The following DYNC1H1 variants were observed in gnomAD, a reference collection of about 807,000 sequenced individuals.
The protein encoded by DYNC1H1 is dynein cytoplasmic 1 heavy chain 1.
Under a neutral mutation model 527.1 loss-of-function variants are expected in DYNC1H1, and 51 were observed. The ratio of observed to expected loss-of-function variants is 0.10; its 90% CI spans 0.08 to 0.12. The LOEUF (loss-of-function observed/expected upper bound fraction) is 0.12. Among genes scored for constraint, DYNC1H1 ranks in the 10% least tolerant of loss-of-function variants. The pLI is 1.00. For synonymous variants in DYNC1H1, 2,189 were observed against 2,278.8 expected (o/e 0.96, Z 1.12); for missense variants, 2,771 against 5,971.8 (o/e 0.46, Z 17.66).
At chr14:101,974,010 C>G (rs2047770519) in intron 1 of DYNC1H1, among the ~76,000 whole-genome samples, 1 of 152,110 alleles carries the variant, frequency 6.6e-6, no homozygotes, top group Non-Finnish European at 1.5e-5. Context: ...AAATTTGAAG[C>G]CCAGAGAAAG....
intron 1 of DYNC1H1, among the ~76,000 whole-genome samples, chr14:101,972,348 A>G (rs1232455090): frequency 6.6e-6 from 1 of 152,186 alleles, no homozygotes; most frequent in Non-Finnish European, 1.5e-5. Flanking sequence ...GTGTCTTTAT[A>G]GGGAATATGC....
intron 69 of DYNC1H1, 158 bp from the exon 70 acceptor site, chr14:102,043,717 G>A (rs1221236056): frequency 5.6e-6 from 5 of 890,282 alleles, no homozygotes; most frequent in African/African-American, 3.3e-5. Context: ...TAGAAAAGTT[G>A]GCATACTTTT....
At position 102,005,343 on chromosome 14, in the gene DYNC1H1, G is replaced by A. The variant is rs1274012404; in HGVS notation, c.5433+107G>A. The A allele has an allele frequency of 9.0e-6, 13 of 1,437,396 alleles. No individual in the cohort carries two copies. The East Asian group carries it at 2.9e-4, about 33-fold the overall frequency. 89.0% of individuals were successfully genotyped at this position (1,437,396 alleles called of 1,614,324 possible). Reference sequence around the variant, plus strand: ...AAAAGGTTTCAGGTAGTATCAAGGAGAACAGTGGATGGTGTATGGATATCC... The same window carrying A: ...AAAAGGTTTCAGGTAGTATCAAGGAAAACAGTGGATGGTGTATGGATATCC... On this transcript the variant is annotated intron_variant, in intron 26 of 77. Coordinates refer to ENST00000360184, the MANE Select transcript of DYNC1H1 (RefSeq NM_001376.5). This position sits in a 1 kb window ranked among gnomAD's most constrained non-coding sequence, Gnocchi z 4.0.
In DYNC1H1 at chr14:102,050,703, T is replaced by G; in HGVS notation, c.*140T>G. The G allele has an allele frequency of 7.3e-7, 1 of 1,375,116 alleles. No individual in the cohort carries two copies. The highest frequency in any genetic ancestry group is 1.0e-6 in the Non-Finnish European group (1 of 989,230). 85.2% of individuals were successfully genotyped at this position (1,375,116 alleles called of 1,614,324 possible). A position where few individuals can be genotyped will look rare whatever the true frequency, so the allele number is the denominator to read the frequency against. ...GAGGAAGCTGAATGGAATCTGACGG[T>G]TGGGAGTGGTGGAAATTGGAAGGAT... is the stretch of plus-strand genomic sequence containing the variant. On this transcript the variant is annotated 3_prime_UTR_variant, in exon 78 of 78. Coordinates refer to ENST00000360184, the MANE Select transcript of DYNC1H1 (RefSeq NM_001376.5).
intron 69 of DYNC1H1, chr14:102,043,137 G>A (rs1443588836): frequency 3.0e-6 from 1 of 334,956 alleles, no homozygotes; most frequent in Non-Finnish European, 5.9e-6. Context: ...TAAAAAATTA[G>A]CCAGGCGTGG....
Position 102,016,906 on chromosome 14 carries a change from G to C in DYNC1H1, c.7755G>C (p.Leu2585=), listed in dbSNP as rs2048330031. ...ACGAAGCCCTCTTGTACACTTGGCT[G>C]GCCGAACACAAGCCCCTGGTCTTGT... ...VRHEALLYTW[L]AEHKPLVLCG... The change falls in exon 38 of 78, where the codon CTG becomes CTC. Residue 2585 remains leucine (L), a synonymous_variant. Transcript: ENST00000360184. The surrounding 1 kb of genome is among the most constrained non-coding windows in gnomAD (Gnocchi z 7.3). The C allele has an allele frequency of 2.5e-6, 4 of 1,614,200 alleles. No individual in the cohort carries two copies. Among genetic ancestry groups the C allele is most frequent in the Non-Finnish European group, 3.4e-6 (4 of 1,180,036 alleles).
Position 102,049,948 on chromosome 14 carries a change from T to TC in DYNC1H1, c.13684+69dup. 1.9e-6 allele frequency: 3 copies of TC among 1,539,632 alleles called. No homozygotes were observed. The highest frequency in any genetic ancestry group is 2.6e-6 in the Non-Finnish European group (3 of 1,151,534). ...GACCTCGGTGGCCTGAGACCATTGTTCCCAGATACATGCACTTAGGGTGAC... is the reference window on the plus strand; with the variant it reads ...GACCTCGGTGGCCTGAGACCATTGTTCCCCAGATACATGCACTTAGGGTGAC... On this transcript the variant is annotated intron_variant, in intron 76 of 77. Transcript: ENST00000360184. The surrounding 1 kb of genome is among the most constrained non-coding windows in gnomAD (Gnocchi z 5.5).
Position 102,049,082 on chromosome 14 carries a change from C to T in DYNC1H1, c.13373-358C>T, listed in dbSNP as rs947921453. On this transcript the variant is annotated intron_variant, in intron 74 of 77. Transcript: ENST00000360184. This position sits in a 1 kb window ranked among gnomAD's most constrained non-coding sequence, Gnocchi z 5.5. Reference sequence around the variant, plus strand: ...ATCCAAAGTTGTGGGGAGCCCCCAGCATCCTCCTGTTTGCCCCAAAAGCCC... The same window carrying T: ...ATCCAAAGTTGTGGGGAGCCCCCAGTATCCTCCTGTTTGCCCCAAAAGCCC... The T allele has an allele frequency of 2.3e-6, 1 of 430,220 alleles. No homozygotes were observed. The highest frequency in any genetic ancestry group is 4.3e-6 in the Non-Finnish European group (1 of 230,102). 26.7% of individuals were successfully genotyped at this position (430,220 alleles called of 1,614,324 possible). A position where few individuals can be genotyped will look rare whatever the true frequency, so the allele number is the denominator to read the frequency against.
intron 1 of DYNC1H1, among the ~76,000 whole-genome samples, chr14:101,966,231 C>T (rs2141259889): frequency 6.6e-6 from 1 of 152,264 alleles, no homozygotes; most frequent in South Asian, 2.1e-4. Flanking sequence ...AGATGCTTCC[C>T]TGTAGCCTTG....
chr14:102,028,472 G>C (rs1211763794), intron 48 of DYNC1H1: 2 of 365,204 alleles, frequency 5.5e-6, no homozygotes, highest in African/African-American at 4.2e-5. Context: ...CTGAGATCAC[G>C]GCACTGCAAT....
At position 101,985,730 on chromosome 14, in the gene DYNC1H1, C is replaced by T. The variant is rs1435555404; in HGVS notation, c.1505C>T (p.Pro502Leu). The T allele has an allele frequency of 2.5e-6, 4 of 1,614,024 alleles. No individual in the cohort carries two copies. Among genetic ancestry groups the T allele is most frequent in the African/African-American group, 2.7e-5 (2 of 74,896 alleles). The change falls in exon 8 of 78, where the codon CCC (proline) becomes CTC (leucine). Residue 502 changes from proline to leucine, a missense_variant. Around this residue, in one of 32 missense-constraint regions of DYNC1H1, gnomAD observed 264 missense variants for 619.4 expected, o/e 0.43. Transcript: ENST00000360184. This position sits in a 1 kb window ranked among gnomAD's most constrained non-coding sequence, Gnocchi z 5.9. The stretch of plus-strand genomic sequence containing the variant: ...CAGAATCAAGGAGAGGTCCCTGAAC[C>T]CCAAGATATGAAAGTGGCTGAGGTT... ...AQQNQGEVPEPQDMKVAEVLF... is the reference protein window; with the variant it reads ...AQQNQGEVPELQDMKVAEVLF...
intron 10 of DYNC1H1, 23 bp downstream of exon 10, chr14:101,988,875 A>C: frequency 6.2e-7 from 1 of 1,613,982 alleles, no homozygotes; most frequent in Non-Finnish European, 8.5e-7. Context: ...GTGGCATTCT[A>C]TTTACTAATA....
rs568103291 is a variant in DYNC1H1, at chr14:101,965,466, T to G, written c.256+519T>G. 1.2e-4 allele frequency among the ~76,000 whole-genome samples: 18 copies of G among 152,300 alleles called. No homozygotes were observed. In the East Asian group the frequency reaches 2.3e-3, roughly 20 times the overall value. On this transcript the variant is annotated intron_variant, in intron 1 of 77. Transcript: ENST00000360184. This position sits in a 1 kb window ranked among gnomAD's most constrained non-coding sequence, Gnocchi z 4.1. The stretch of plus-strand genomic sequence containing the variant: ...GCGGAGCTGGGGGCAGCCGGGGTTC[T>G]GGTTCGGGAGGAGGTCGGGCGGGTG...
In DYNC1H1 at chr14:101,985,507, G is replaced by A. The variant is rs1035795589; in HGVS notation, c.1462-180G>A. 3.3e-5 allele frequency among the ~76,000 whole-genome samples: 5 copies of A among 151,072 alleles called. No homozygotes were observed. Among genetic ancestry groups the A allele is most frequent in the Non-Finnish European group, 5.9e-5 (4 of 67,704 alleles). On this transcript the variant is annotated intron_variant, in intron 7 of 77. Coordinates refer to ENST00000360184, the MANE Select transcript of DYNC1H1 (RefSeq NM_001376.5). This position sits in a 1 kb window ranked among gnomAD's most constrained non-coding sequence, Gnocchi z 5.9. ...GCCTGGCAAATTGTTTGTATTTTTA[G>A]TAGAGACTGGGTTTCACCATGTTGG... is the stretch of plus-strand genomic sequence containing the variant.
Position 102,042,318 on chromosome 14 carries a change from C to T in DYNC1H1, c.12275+30C>T, listed in dbSNP as rs775987546. 2.5e-6 allele frequency: 4 copies of T among 1,614,046 alleles called. No homozygotes were observed. The highest frequency in any genetic ancestry group is 3.4e-6 in the Non-Finnish European group (4 of 1,180,032). ...GCCTGTTCTCTTTGGCTGAAGAAAG[C>T]CTTAGTCCCCAGGCATTCAGGCAGG... On this transcript the variant is annotated intron_variant, in intron 67 of 77. Coordinates refer to ENST00000360184, the MANE Select transcript of DYNC1H1 (RefSeq NM_001376.5). This position sits in a 1 kb window ranked among gnomAD's most constrained non-coding sequence, Gnocchi z 5.7.
In DYNC1H1 at chr14:102,052,207, C is replaced by CA; in HGVS notation, c.*1645dup. On this transcript the variant is annotated 3_prime_UTR_variant, in exon 78 of 78. Coordinates refer to ENST00000360184, the MANE Select transcript of DYNC1H1 (RefSeq NM_001376.5). ...GGAGTGCAGTGGCGTGACCATGGCT[C>CA]ACTGCAGCCTCAACCTCCCGGGCTC... The CA allele has an allele frequency of 6.6e-6, 1 of 152,526 alleles. No individual in the cohort carries two copies. The highest frequency in any genetic ancestry group is 3.4e-3 in the Middle Eastern group (1 of 294). 9.4% of individuals were successfully genotyped at this position (152,526 alleles called of 1,614,324 possible).
chr14:102,036,203 T>G lies in DYNC1H1; in HGVS notation c.10755-286T>G. On this transcript the variant is annotated intron_variant, in intron 56 of 77. Coordinates refer to ENST00000360184, the MANE Select transcript of DYNC1H1 (RefSeq NM_001376.5). This position sits in a 1 kb window ranked among gnomAD's most constrained non-coding sequence, Gnocchi z 5.6. The stretch of plus-strand genomic sequence containing the variant: ...AAAAAGCTATTCTAACAGTGCAGGA[T>G]GCTGAGAGGATGATTGTCCCAGAAG... 1 of 403,142 alleles carries G rather than the reference T, an allele frequency of 2.5e-6. No homozygotes were observed. The highest frequency in any genetic ancestry group is 4.7e-6 in the Non-Finnish European group (1 of 211,964). 25.0% of individuals were successfully genotyped at this position (403,142 alleles called of 1,614,324 possible).
chr14:101,986,884 G>T lies in DYNC1H1; in HGVS notation c.2538+121G>T, dbSNP rs112795022. ...CATGGTTGATGCAGCATACGGCCAT[G>T]TGAGCTGCAAGGGAGGAGGACCCTT... On this transcript the variant is annotated intron_variant, in intron 8 of 77. Transcript: ENST00000360184. This position sits in a 1 kb window ranked among gnomAD's most constrained non-coding sequence, Gnocchi z 8.7. The T allele has an allele frequency of 7.3e-6, 9 of 1,230,000 alleles. No individual in the cohort carries two copies. In the African/African-American group the frequency reaches 1.2e-4, roughly 16 times the overall value. The allele number at this position is 1,230,000 out of a possible 1,614,324, so 76.2% of individuals were successfully genotyped here. A position where few individuals can be genotyped will look rare whatever the true frequency, so the allele number is the denominator to read the frequency against.
Position 102,055,462 on chromosome 14 carries a change from A to T in DYNC1H1, c.*4899A>T, listed in dbSNP as rs117398161. The T allele has an allele frequency of 0.015, 2,304 of 152,600 alleles. 28 individuals are homozygous for T. The highest frequency in any genetic ancestry group is 0.026 in the Non-Finnish European group (1,806 of 68,208). The allele number at this position is 152,600 out of a possible 1,614,324, so 9.5% of individuals were successfully genotyped here. Reference sequence around the variant, plus strand: ...ACATGACCCCATGCTCTCCTGTTGGAGTCACCACCTCTTTGCCAACAGCCA... The same window carrying T: ...ACATGACCCCATGCTCTCCTGTTGGTGTCACCACCTCTTTGCCAACAGCCA... On this transcript the variant is annotated 3_prime_UTR_variant, in exon 78 of 78. Transcript: ENST00000360184.
Sources: gnomAD v4.1 joint callset for allele counts (sites outside exome capture counted in the v4.1 genomes callset) on GRCh38, gnomAD v4.1.1 for gene constraint, gnomAD v4.1.1 regional missense constraint, Gnocchi (gnomAD v3.1) non-coding constraint, MANE v1.5 for transcripts, NCBI Gene and HGNC (gene_info 2026-07-23, HGNC 2026-07-21) for gene names.